Variants in NXPE2 observed in about 807,000 individuals in gnomAD.
NXPE2 encodes neurexophilin and PC-esterase domain family member 2.
Under a neutral mutation model 34.4 loss-of-function variants are expected in NXPE2, and 34 were observed. The observed-to-expected ratio is 0.99, with a 90% CI of 0.75 to 1.31. The LOEUF is 1.31. NXPE2 is among the 40% of genes most tolerant of loss of function. NXPE2 has a pLI of 0.00. For synonymous variants in NXPE2, 235 were observed against 231.3 expected (o/e 1.02, Z -0.15); for missense variants, 649 against 672.5 (o/e 0.97, Z 0.39).
the NXPE2 span, among the ~76,000 whole-genome samples, chr11:114,626,092 C>A: frequency 2.0e-5 from 3 of 152,282 alleles, no homozygotes; most frequent in South Asian, 2.1e-4. Flanking sequence ...GGCAGCGAGG[C>A]TGGGAGAGGG....
the NXPE2 span, among the ~76,000 whole-genome samples, chr11:114,566,831 T>C: frequency 5.3e-5 from 8 of 152,016 alleles, 1 homozygote; most frequent in East Asian, 1.5e-3. Context: ...TATTAGAGAG[T>C]AGTCTATTTG....
At chr11:114,530,802 G>C in the NXPE2 span, 1 of 1,614,216 alleles carries the variant, frequency 6.2e-7, no homozygotes, top group Non-Finnish European at 8.5e-7. Flanking sequence ...TCTGAGTTCA[G>C]TCTCTGTTAG....
downstream of NXPE2, among the ~76,000 whole-genome samples, chr11:114,710,146 A>G (rs1859586044): frequency 6.6e-6 from 1 of 152,166 alleles, no homozygotes; most frequent in Non-Finnish European, 1.5e-5. Context: ...ATGAAAAAAG[A>G]AAAATGTTTG....
At chr11:114,575,985 A>C in the NXPE2 span, among the ~76,000 whole-genome samples, 1 of 152,238 alleles carries the variant, frequency 6.6e-6, no homozygotes. Flanking sequence ...ACAGCATGGT[A>C]CTGGCATAAA....
At chr11:114,519,355 G>T in the NXPE2 span, among the ~76,000 whole-genome samples, 2 of 152,042 alleles carry the variant, frequency 1.3e-5, no homozygotes, top group East Asian at 3.9e-4. Context: ...GTAGATTCTG[G>T]AGCTTTCTAA....
chr11:114,741,007 A>G, the NXPE2 span, among the ~76,000 whole-genome samples: 1 of 152,186 alleles, frequency 6.6e-6, no homozygotes, highest in South Asian at 2.1e-4. Context: ...TCATTTCTTG[A>G]AGAAGAAATG....
chr11:114,562,160 A>G, the NXPE2 span, among the ~76,000 whole-genome samples: 2 of 152,172 alleles, frequency 1.3e-5, no homozygotes, highest in Non-Finnish European at 2.9e-5. Context: ...TCTCTTTCAA[A>G]TGATTGGTAA....
At chr11:114,726,371 T>G in the NXPE2 span, among the ~76,000 whole-genome samples, 8 of 152,034 alleles carry the variant, frequency 5.3e-5, no homozygotes, top group African/African-American at 1.7e-4. Context: ...CTTGAGGTTC[T>G]GTGAAATTCT....
chr11:114,530,189 G>A, the NXPE2 span: 4 of 1,606,136 alleles, frequency 2.5e-6, no homozygotes, highest in Admixed American at 6.8e-5. Flanking sequence ...GGAAAAGGCT[G>A]TTTTCCTTGT....
At chr11:114,627,961 A>C in the NXPE2 span, among the ~76,000 whole-genome samples, 2 of 152,140 alleles carry the variant, frequency 1.3e-5, no homozygotes, top group South Asian at 2.1e-4. Flanking sequence ...ACTCAACAAG[A>C]AGAGCTAACT....
chr11:114,788,207 GAGA>G, the NXPE2 span, among the ~76,000 whole-genome samples: 4 of 152,210 alleles, frequency 2.6e-5, no homozygotes, highest in African/African-American at 7.2e-5. Flanking sequence ...ACACGGCCAT[GAGA>G]AGAAGGACAA....
the NXPE2 span, among the ~76,000 whole-genome samples, chr11:114,650,372 G>A: frequency 1.3e-5 from 2 of 152,208 alleles, no homozygotes; most frequent in Non-Finnish European, 2.9e-5. Context: ...TCACCCATGA[G>A]CTCTTCCCTA....
At chr11:114,713,592 GA>G in the NXPE2 span, among the ~76,000 whole-genome samples, 4,220 of 152,122 alleles carry the variant, frequency 0.028, 192 homozygotes, top group African/African-American at 0.096. Flanking sequence ...ACATTTGATT[GA>G]AAAAAAGTCA....
intron 2 of NXPE2, among the ~76,000 whole-genome samples, chr11:114,696,855 A>G (rs1951268004): frequency 6.6e-6 from 1 of 152,198 alleles, no homozygotes; most frequent in Admixed American, 6.5e-5. Flanking sequence ...ACCCCAGTGG[A>G]TGCCTGAAAC....
the NXPE2 span, among the ~76,000 whole-genome samples, chr11:114,812,936 C>G: frequency 3.9e-5 from 6 of 152,134 alleles, no homozygotes; most frequent in South Asian, 2.1e-4. Context: ...GATGTCAGAG[C>G]CTGACTATAA....
At chr11:114,789,261 T>G in the NXPE2 span, among the ~76,000 whole-genome samples, 1 of 152,222 alleles carries the variant, frequency 6.6e-6, no homozygotes, top group Non-Finnish European at 1.5e-5. Flanking sequence ...TAGTACTCCC[T>G]TGGTATACGT....
At chr11:114,731,855 C>T in the NXPE2 span, among the ~76,000 whole-genome samples, 1 of 152,254 alleles carries the variant, frequency 6.6e-6, no homozygotes, top group East Asian at 1.9e-4. Flanking sequence ...GTGTAGTATA[C>T]TTTCGTATTA....
At chr11:114,806,020 C>A in the NXPE2 span, among the ~76,000 whole-genome samples, 2 of 152,172 alleles carry the variant, frequency 1.3e-5, no homozygotes, top group African/African-American at 4.8e-5. Flanking sequence ...GATCAGGCAG[C>A]AGCATTTGCA....
chr11:114,471,909 G>A, the NXPE2 span, among the ~76,000 whole-genome samples: 70,921 of 151,938 alleles, frequency 0.47, 16,929 homozygotes, highest in African/African-American at 0.54. Flanking sequence ...CCCCTAAAAT[G>A]TCAGAAGCAG....
Sources: allele counts gnomAD v4.1 joint callset (sites outside exome capture counted in the v4.1 genomes callset), GRCh38; gene constraint gnomAD v4.1.1; transcripts MANE v1.5; gene names NCBI Gene and HGNC (gene_info 2026-07-23, HGNC 2026-07-21).